TBC1D5: variants seen among roughly 807,000 people sequenced by gnomAD.
TBC1D5 encodes the protein TBC1 domain family, member 5.
TBC1D5 carries 75 observed loss-of-function variants against 100.3 expected under a neutral mutation model. That is an observed-to-expected ratio of 0.75 (90% CI 0.62 to 0.91). The LOEUF is 0.91. Among genes scored for constraint, TBC1D5 ranks in the 40% least tolerant of loss-of-function variants. TBC1D5 has a pLI of 0.00. For synonymous variants in TBC1D5, 323 were observed against 325.6 expected (o/e 0.99, Z 0.09); for missense variants, 910 against 942.4 (o/e 0.97, Z 0.45).
rs188689068 is a variant in TBC1D5 at position 17,205,174 on chromosome 3, G to A, written c.1752+9033C>T. ...ATGGGAATATATTTTAAATGAGACTGTATTTTATTCCAGTTATCATTAACA... is the reference window on the plus strand; with the variant it reads ...ATGGGAATATATTTTAAATGAGACTATATTTTATTCCAGTTATCATTAACA... On this transcript the variant is annotated intron_variant, in intron 18 of 21. Transcript: ENST00000253692. 4.1e-4 allele frequency among the ~76,000 whole-genome samples: 63 copies of A among 152,242 alleles called. 3 individuals carry two copies. Among genetic ancestry groups the A allele is most frequent in the African/African-American group, 1.5e-3 (61 of 41,548 alleles).
intron 1 of TBC1D5, among the ~76,000 whole-genome samples, chr3:17,704,132 C>T (rs1171703258): frequency 2.1e-5 from 3 of 142,092 alleles, no homozygotes; most frequent in Non-Finnish European, 4.6e-5. Flanking sequence ...TCTTAACGAG[C>T]ATGCTGCCTT....
At chr3:17,730,082 G>A (rs2076434520) in intron 1 of TBC1D5, among the ~76,000 whole-genome samples, 1 of 151,898 alleles carries the variant, frequency 6.6e-6, no homozygotes, top group Non-Finnish European at 1.5e-5. Context: ...CTGCACTCCA[G>A]CCTAGGGGAC....
intron 2 of TBC1D5, among the ~76,000 whole-genome samples, chr3:17,549,318 TA>T (rs1193575688): frequency 6.6e-6 from 1 of 152,122 alleles, no homozygotes; most frequent in African/African-American, 2.4e-5. Context: ...TAAGATAAAA[TA>T]AAATAAATTA....
intron 18 of TBC1D5, among the ~76,000 whole-genome samples, chr3:17,200,459 A>G (rs916028193): frequency 2.0e-5 from 3 of 152,232 alleles, no homozygotes; most frequent in Admixed American, 2.0e-4. Context: ...TGAACTGCAC[A>G]TGCAAGGGAT....
intron 14 of TBC1D5, among the ~76,000 whole-genome samples, chr3:17,304,361 TA>T (rs2083179898): frequency 6.6e-6 from 1 of 152,110 alleles, no homozygotes; most frequent in Non-Finnish European, 1.5e-5. Context: ...GAACAGACAA[TA>T]AACAAGTGAA....
chr3:17,226,363 GA>G (rs1054741014), intron 17 of TBC1D5, among the ~76,000 whole-genome samples: 48 of 147,556 alleles, frequency 3.3e-4, no homozygotes, highest in Non-Finnish European at 4.6e-4. Context: ...TTTGTTGCAC[GA>G]AAATTTAAAG....
At chr3:17,662,793 G>C (rs993905204) in intron 1 of TBC1D5, among the ~76,000 whole-genome samples, 13 of 152,098 alleles carry the variant, frequency 8.5e-5, no homozygotes, top group Non-Finnish European at 1.8e-4. Flanking sequence ...GCAATTTAGT[G>C]AGTTTTTTTT....
chr3:17,162,130 C>G (rs1246319027), intron 21 of TBC1D5, among the ~76,000 whole-genome samples: 1 of 152,222 alleles, frequency 6.6e-6, no homozygotes, highest in Non-Finnish European at 1.5e-5. Flanking sequence ...GAAAGAACAC[C>G]TCACCCAGTG....
intron 2 of TBC1D5, among the ~76,000 whole-genome samples, chr3:17,551,957 C>G (rs1035737471): frequency 4.6e-5 from 7 of 152,034 alleles, no homozygotes; most frequent in African/African-American, 1.7e-4. Context: ...TGCCCTTACC[C>G]CTTTTATTTT....
intron 2 of TBC1D5, among the ~76,000 whole-genome samples, chr3:17,549,041 C>T (rs973723882): frequency 6.6e-6 from 1 of 152,104 alleles, no homozygotes; most frequent in Non-Finnish European, 1.5e-5. Flanking sequence ...CTCATGCCTG[C>T]AATCCCAGCA....
chr3:17,357,044 T>C (rs1296705487), intron 13 of TBC1D5, among the ~76,000 whole-genome samples: 2 of 152,112 alleles, frequency 1.3e-5, no homozygotes, highest in East Asian at 3.9e-4. Flanking sequence ...ATGATTTAAA[T>C]GCATGGCTAC....
intron 3 of TBC1D5, among the ~76,000 whole-genome samples, chr3:17,479,291 T>C (rs1436220008): frequency 6.6e-6 from 1 of 152,070 alleles, no homozygotes; most frequent in Non-Finnish European, 1.5e-5. Context: ...AAGTCCCAGC[T>C]ACTCCAGAGA....
intron 8 of TBC1D5, among the ~76,000 whole-genome samples, chr3:17,395,668 A>G (rs1366392270): frequency 6.6e-6 from 1 of 152,140 alleles, no homozygotes; most frequent in Non-Finnish European, 1.5e-5. Flanking sequence ...CAAAAACTCT[A>G]TTGGTCAGCA....
chr3:17,569,221 A>T (rs1658110901), intron 2 of TBC1D5, among the ~76,000 whole-genome samples: 1 of 151,872 alleles, frequency 6.6e-6, no homozygotes, highest in African/African-American at 2.4e-5. Context: ...GATTTGATAG[A>T]CATACAAAAT....
intron 1 of TBC1D5, among the ~76,000 whole-genome samples, chr3:17,648,084 T>C (rs1010519176): frequency 2.6e-5 from 4 of 151,992 alleles, no homozygotes; most frequent in African/African-American, 7.2e-5. Context: ...CATCAAACTA[T>C]ACAAGGCAAC....
In TBC1D5 at chr3:17,171,312, A is replaced by G. The variant is rs373252424; in HGVS notation, c.1853-3484T>C. Among the ~76,000 whole-genome samples, 14 of 152,154 alleles carry G rather than the reference A, an allele frequency of 9.2e-5. No individual in the cohort carries two copies. In the East Asian group the frequency reaches 2.3e-3, roughly 25 times the overall value. On this transcript the variant is annotated intron_variant, in intron 19 of 21. Transcript: ENST00000253692. Reference sequence around the variant, plus strand: ...AAAAAAGTAACCTCTTGATTTGTCTACTTTTTGGAGGGGGATGGAGTTTAT... The same window carrying G: ...AAAAAAGTAACCTCTTGATTTGTCTGCTTTTTGGAGGGGGATGGAGTTTAT...
chr3:17,308,785 C>A (rs2083670217), intron 13 of TBC1D5, among the ~76,000 whole-genome samples: 1 of 152,030 alleles, frequency 6.6e-6, no homozygotes, highest in Admixed American at 6.6e-5. Flanking sequence ...TTCAAACTTA[C>A]TTCTATTATC....
At chr3:17,200,152 T>G (rs2125788026) in intron 18 of TBC1D5, among the ~76,000 whole-genome samples, 1 of 152,348 alleles carries the variant, frequency 6.6e-6, no homozygotes, top group East Asian at 1.9e-4. Flanking sequence ...TGTTCTTGGC[T>G]TATTATAAAC....
intron 1 of TBC1D5, among the ~76,000 whole-genome samples, chr3:17,670,034 C>A: frequency 6.6e-6 from 1 of 152,148 alleles, no homozygotes; most frequent in East Asian, 1.9e-4. Context: ...TACAGGCGCA[C>A]GCCGCCATGC....
Sources: gnomAD v4.1 joint callset for allele counts (sites outside exome capture counted in the v4.1 genomes callset) on GRCh38, gnomAD v4.1.1 for gene constraint, MANE v1.5 for transcripts, NCBI Gene and HGNC (gene_info 2026-07-23, HGNC 2026-07-21) for gene names.